Variants in LAMP3 observed in about 807,000 individuals in gnomAD.
LAMP3 encodes lysosome associated membrane protein 3.
In LAMP3, 26 loss-of-function variants were observed where a neutral mutation model predicts 34.8. The observed-to-expected ratio is 0.75, with a 90% CI of 0.55 to 1.04. The LOEUF is 1.04. LAMP3 is among the 50% of genes least tolerant of loss of function. LAMP3 has a pLI of 0.00. For missense variants in LAMP3, 495 were observed against 524.0 expected, an observed-to-expected ratio of 0.94 and a Z score of 0.54; for synonymous variants, 180 against 201.9, an observed-to-expected ratio of 0.89 and a Z score of 0.92.
intron 1 of LAMP3, among the ~76,000 whole-genome samples, chr3:183,155,702 G>T (rs997145825): frequency 6.6e-6 from 1 of 152,206 alleles, no homozygotes; most frequent in African/African-American, 2.4e-5. Context: ...TGGTTTATTT[G>T]TTGGTTGTGG....
intron 5 of LAMP3, among the ~76,000 whole-genome samples, chr3:183,133,225 A>T (rs1305877809): frequency 6.6e-6 from 1 of 152,240 alleles, no homozygotes; most frequent in Non-Finnish European, 1.5e-5. Flanking sequence ...GTCTGAGCTG[A>T]GGCCAGGGGA....
chr3:183,155,347 G>C (rs968770327), intron 1 of LAMP3, among the ~76,000 whole-genome samples: 1 of 152,118 alleles, frequency 6.6e-6, no homozygotes, highest in African/African-American at 2.4e-5. Context: ...CTTGTCACTT[G>C]TTGTTTTCTC....
chr3:183,160,875 A>G (rs1287769558), intron 1 of LAMP3: 1 of 152,212 alleles, frequency 6.6e-6, no homozygotes, highest in Non-Finnish European at 1.5e-5. Flanking sequence ...TTTGTGGATT[A>G]AAGCACTGCG....
Position 183,162,612 on chromosome 3 carries a change from A to G in LAMP3, c.44T>C (p.Leu15Pro). The change falls in exon 1 of 6, where the codon CTG becomes CCG. Residue 15 changes from leucine to proline, a missense_variant. Physicochemically the swap from Leu to Pro is moderately conservative, Grantham distance 98. Coordinates refer to ENST00000265598, the MANE Select transcript of LAMP3 (RefSeq NM_014398.4). ...LSAAAALFAS[L>P]AVILHDGSQM... ...AAGCGCTGAGGGCCACTCACCGGCC[A>G]GGGACGCGAAGAGCGCGGCCGCCGC... The G allele has an allele frequency of 6.5e-7, 1 of 1,546,330 alleles. No individual in the cohort carries two copies. Among genetic ancestry groups the G allele is most frequent in the Non-Finnish European group, 8.7e-7 (1 of 1,146,184 alleles).
intron 4 of LAMP3, among the ~76,000 whole-genome samples, chr3:183,139,741 C>CG (rs949118492): frequency 2.0e-5 from 3 of 152,114 alleles, no homozygotes; most frequent in Non-Finnish European, 4.4e-5. Flanking sequence ...CGAATAAGGT[C>CG]GGGGGGCAGT....
chr3:183,150,565 C>CTTTTTTTTTTTTTTTTT (rs10665288), intron 3 of LAMP3, among the ~76,000 whole-genome samples: 1 of 86,098 alleles, frequency 1.2e-5, no homozygotes, highest in African/African-American at 4.2e-5. Context: ...GCCAAAGTGA[C>CTTTTTTTTTTTTTTTTT]TTTTTTTTTT....
At position 183,153,825 on chromosome 3, in the gene LAMP3, C is replaced by A; in HGVS notation, c.616G>T (p.Ala206Ser). Residue 206 changes from alanine (A) to serine (S), a missense_variant, in exon 2 of 6, where the codon GCA becomes TCA. Transcript: ENST00000265598. The stretch of plus-strand genomic sequence containing the variant: ...GGCCCAGGAACCGTGGAGGCAGGTG[C>A]AGCTGTGCGGGTGGTATTGTGGGCA... ...AAAHNTTRTA[A>S]PASTVPGPTL... 6.2e-7 allele frequency: 1 copy of A among 1,602,804 alleles called. No individual in the cohort carries two copies. Among genetic ancestry groups the A allele is most frequent in the Non-Finnish European group, 8.5e-7 (1 of 1,173,808 alleles).
chr3:183,149,417 G>A (rs1053874792), intron 3 of LAMP3, among the ~76,000 whole-genome samples: 16 of 151,214 alleles, frequency 1.1e-4, no homozygotes, highest in African/African-American at 3.4e-4. Flanking sequence ...GTGCGTGGCT[G>A]TAGTGTAGTC....
chr3:183,128,121 G>A (rs554657859), intron 5 of LAMP3, among the ~76,000 whole-genome samples: 10 of 146,570 alleles, frequency 6.8e-5, no homozygotes, highest in South Asian at 2.2e-4. Context: ...GCACTCCAGC[G>A]TGGGAGACAG....
intron 3 of LAMP3, 33 bp downstream of exon 3, chr3:183,152,342 G>C (rs986148129): frequency 6.4e-7 from 1 of 1,572,246 alleles, no homozygotes; most frequent in African/African-American, 1.4e-5. Flanking sequence ...AGCTGTACCA[G>C]ATGCAGTTTG....
chr3:183,154,242 T>G lies in LAMP3; in HGVS notation c.199A>C (p.Arg67=). 6.2e-7 allele frequency: 1 copy of G among 1,614,178 alleles called. No individual in the cohort carries two copies. Among genetic ancestry groups the G allele is most frequent in the Non-Finnish European group, 8.5e-7 (1 of 1,180,026 alleles). The part of the protein sequence containing the change: ...KQAPHQTLAA[R]FMDGHITFQT... Reference sequence around the variant, plus strand: ...AAGGTGATATGACCATCCATGAATCTTGCTGCTAAAGTTTGGTGAGGTGCT... The same window carrying G: ...AAGGTGATATGACCATCCATGAATCGTGCTGCTAAAGTTTGGTGAGGTGCT... Residue 67 remains arginine, a synonymous_variant, in exon 2 of 6, where the codon AGA becomes CGA. Coordinates refer to ENST00000265598, the MANE Select transcript of LAMP3 (RefSeq NM_014398.4).
chr3:183,134,082 A>G (rs1306070863), intron 5 of LAMP3, among the ~76,000 whole-genome samples: 3 of 152,150 alleles, frequency 2.0e-5, no homozygotes, highest in Non-Finnish European at 4.4e-5. Flanking sequence ...AGAAAATCCT[A>G]TTTACAGAAT....
At position 183,135,781 on chromosome 3, in the gene LAMP3, C is replaced by A; in HGVS notation, c.1053G>T (p.Leu351=). The part of the protein sequence containing the change: ...SEQSLQLSAH[L]QVKTTDVQLQ... ...GTTGGACATCGGTTGTTTTCACCTG[C>A]AGGTGGGCTGACAACTGGAGGCTCT... Residue 351 remains leucine (L), a synonymous_variant, in exon 5 of 6, where the codon CTG becomes CTT. Transcript: ENST00000265598. 1 of 1,614,198 alleles carries A rather than the reference C, an allele frequency of 6.2e-7. No individual in the cohort carries two copies. Among genetic ancestry groups the A allele is most frequent in the Non-Finnish European group, 8.5e-7 (1 of 1,180,010 alleles).
rs557260515 is a variant in LAMP3 at position 183,132,402 on chromosome 3, G to C, written c.1117+3315C>G. Reference sequence around the variant, plus strand: ...TTTGAAATGCATTGGTTTTTTTAAAGTAATGTTTTTAAAAACTGAAAATCA... The same window carrying C: ...TTTGAAATGCATTGGTTTTTTTAAACTAATGTTTTTAAAAACTGAAAATCA... On this transcript the variant is annotated intron_variant, in intron 5 of 5. Coordinates refer to ENST00000265598, the MANE Select transcript of LAMP3 (RefSeq NM_014398.4). 40 of 973,470 alleles carry C rather than the reference G, an allele frequency of 4.1e-5. No individual in the cohort carries two copies. In the African/African-American group the frequency reaches 5.8e-4, roughly 14 times the overall value. 60.3% of individuals were successfully genotyped at this position (973,470 alleles called of 1,614,324 possible). A position where few individuals can be genotyped will look rare whatever the true frequency, so the allele number is the denominator to read the frequency against.
At chr3:183,153,609 G>A in intron 2 of LAMP3, 73 bp downstream of exon 2, 1 of 1,009,006 alleles carries the variant, frequency 9.9e-7, no homozygotes, top group Non-Finnish European at 1.5e-6. Flanking sequence ...TGTGGGGAAT[G>A]CTCATTCCTA....
At chr3:183,124,257 G>A in intron 5 of LAMP3, 43 bp from the exon 6 acceptor site, 1 of 1,479,670 alleles carries the variant, frequency 6.8e-7, no homozygotes, top group Non-Finnish European at 9.0e-7. Flanking sequence ...AAGGTTTGGT[G>A]ATGCAGTCCA....
intron 5 of LAMP3, among the ~76,000 whole-genome samples, chr3:183,130,758 C>T (rs1187885702): frequency 6.6e-6 from 1 of 152,184 alleles, no homozygotes; most frequent in Non-Finnish European, 1.5e-5. Context: ...CTCCGTCTGT[C>T]CCTCCCTTTA....
chr3:183,127,099 A>T (rs7644721), intron 5 of LAMP3, among the ~76,000 whole-genome samples: 4,492 of 152,272 alleles, frequency 0.029, 227 homozygotes, highest in African/African-American at 0.1. Context: ...AAAGAGTAGC[A>T]CTAACAGAGT....
intron 3 of LAMP3, among the ~76,000 whole-genome samples, chr3:183,143,796 C>A (rs1410663574): frequency 2.0e-5 from 3 of 152,190 alleles, no homozygotes. Context: ...TGTAGTGTTA[C>A]TGAATATTCT....
Sources: allele counts gnomAD v4.1 joint callset (sites outside exome capture counted in the v4.1 genomes callset), GRCh38; gene constraint gnomAD v4.1.1; transcripts MANE v1.5; gene names NCBI Gene and HGNC (gene_info 2026-07-23, HGNC 2026-07-21).